ALG5: variants seen among roughly 807,000 people sequenced by gnomAD.
ALG5 encodes the protein ALG5 dolichyl-phosphate beta-glucosyltransferase.
Under a neutral mutation model 51.8 loss-of-function variants are expected in ALG5, and 26 were observed. That is an observed-to-expected ratio of 0.50 (90% CI 0.37 to 0.70). The LOEUF (loss-of-function observed/expected upper bound fraction) is 0.70, where lower values mean the gene tolerates loss of function less well. Among genes scored for constraint, ALG5 ranks in the 30% least tolerant of loss-of-function variants. The probability of loss-of-function intolerance (pLI) is 0.00; values close to 1 mark genes in which losing one functional copy is unlikely to be tolerated. For synonymous variants in ALG5, 141 were observed against 136.1 expected (o/e 1.04, Z -0.25); for missense variants, 311 against 399.3 (o/e 0.78, Z 1.88).
chr13:36,992,643 A>G (rs1347936965), intron 4 of ALG5, among the ~76,000 whole-genome samples: 1 of 152,094 alleles, frequency 6.6e-6, no homozygotes, highest in Non-Finnish European at 1.5e-5. Context: ...CCTTTTTGGT[A>G]TGTTGTTTGA....
At chr13:36,966,667 A>G (rs776889653) in intron 7 of ALG5, among the ~76,000 whole-genome samples, 1 of 152,218 alleles carries the variant, frequency 6.6e-6, no homozygotes, top group Non-Finnish European at 1.5e-5. Context: ...GTGCCACTAT[A>G]CCCAGCTTCT....
At chr13:36,980,554 T>TA (rs1188038954) in intron 6 of ALG5, among the ~76,000 whole-genome samples, 1 of 152,056 alleles carries the variant, frequency 6.6e-6, no homozygotes, top group Admixed American at 6.6e-5. Context: ...GAAAAATTAC[T>TA]AAAAAACAAG....
At chr13:36,954,744 T>C (rs1302935319) in intron 8 of ALG5, among the ~76,000 whole-genome samples, 3 of 152,180 alleles carry the variant, frequency 2.0e-5, no homozygotes, top group African/African-American at 7.2e-5. Flanking sequence ...TGTGTTTTCT[T>C]TTCTTACTCA....
chr13:36,994,938 C>G, intron 3 of ALG5, 51 bp downstream of exon 3: 1 of 1,531,426 alleles, frequency 6.5e-7, no homozygotes, highest in Non-Finnish European at 9.0e-7. Flanking sequence ...CAATTGGTGA[C>G]CTGGTCTAGT....
At position 36,993,654 on chromosome 13, in the gene ALG5, T is replaced by C; in HGVS notation, c.304A>G (p.Thr102Ala). Residue 102 changes from threonine to alanine, a missense_variant, in exon 4 of 10, where the codon ACT becomes GCT. Coordinates refer to ENST00000239891, the MANE Select transcript of ALG5 (RefSeq NM_013338.5). ...TCATCAACTACTATCACTTCATAAG[T>C]GAACGCAGGATCTCGTTTCTGCAAG... Reference protein sequence around the residue: ...EKRQKRDPAFTYEVIVVDDGS... With the variant: ...EKRQKRDPAFAYEVIVVDDGS... 9 of 1,613,632 alleles carry C rather than the reference T, an allele frequency of 5.6e-6. No individual in the cohort carries two copies. Among genetic ancestry groups the C allele is most frequent in the Non-Finnish European group, 7.6e-6 (9 of 1,179,922 alleles).
At chr13:36,974,393 A>G (rs1273064162) in intron 6 of ALG5, among the ~76,000 whole-genome samples, 1 of 152,190 alleles carries the variant, frequency 6.6e-6, no homozygotes, top group Non-Finnish European at 1.5e-5. Context: ...ATATAAATTT[A>G]CATATATAAA....
intron 6 of ALG5, among the ~76,000 whole-genome samples, chr13:36,985,090 C>T (rs1271344451): frequency 6.6e-6 from 1 of 151,354 alleles, no homozygotes; most frequent in Admixed American, 6.6e-5. Context: ...TTGGCAAACG[C>T]TCAGGATCCT....
chr13:36,957,820 C>T (rs1368302604), intron 8 of ALG5, among the ~76,000 whole-genome samples: 1 of 152,120 alleles, frequency 6.6e-6, no homozygotes, highest in African/African-American at 2.4e-5. Flanking sequence ...GGAAGCCTGT[C>T]CCCGAGAAGA....
At chr13:36,981,028 T>G (rs543357696) in intron 6 of ALG5, among the ~76,000 whole-genome samples, 5 of 152,260 alleles carry the variant, frequency 3.3e-5, no homozygotes, top group Admixed American at 1.3e-4. Context: ...AATGCCCTAT[T>G]TTATTTGTAT....
intron 5 of ALG5, among the ~76,000 whole-genome samples, chr13:36,988,014 T>G (rs2059009467): frequency 1.3e-5 from 2 of 152,304 alleles, no homozygotes; most frequent in South Asian, 4.1e-4. Flanking sequence ...TTGTGGCATG[T>G]TCTTTCACAT....
intron 8 of ALG5, among the ~76,000 whole-genome samples, chr13:36,953,945 C>G (rs2058828829): frequency 6.6e-6 from 1 of 151,880 alleles, no homozygotes; most frequent in South Asian, 2.1e-4. Context: ...ACTTGATAAC[C>G]TGAAAAAGAT....
chr13:36,972,888 A>C (rs1229615097), intron 6 of ALG5, among the ~76,000 whole-genome samples: 1 of 150,272 alleles, frequency 6.7e-6, no homozygotes, highest in Non-Finnish European at 1.5e-5. Flanking sequence ...GCTACTCGGG[A>C]GGCTGAGGCA....
At position 36,958,847 on chromosome 13, in the gene ALG5, G is replaced by A. The variant is rs896881216; in HGVS notation, c.774-6248C>T. On this transcript the variant is annotated intron_variant, in intron 8 of 9. Coordinates refer to ENST00000239891, the MANE Select transcript of ALG5 (RefSeq NM_013338.5). ...TAAAGAAATAGTCAAATCATATATC[G>A]CCTGAGAGCACAGGGGGAGGGACAA... 1.3e-4 allele frequency among the ~76,000 whole-genome samples: 20 copies of A among 152,076 alleles called. 1 individual carries two copies. Among genetic ancestry groups the A allele is most frequent in the Admixed American group, 9.2e-4 (14 of 15,252 alleles).
chr13:36,962,656 A>G (rs2058872949), intron 8 of ALG5, among the ~76,000 whole-genome samples: 1 of 152,120 alleles, frequency 6.6e-6, no homozygotes, highest in African/African-American at 2.4e-5. Context: ...TCTTATGTCA[A>G]TTAACACAAA....
At chr13:36,966,439 A>T (rs2058893744) in intron 7 of ALG5, among the ~76,000 whole-genome samples, 1 of 152,264 alleles carries the variant, frequency 6.6e-6, no homozygotes, top group Non-Finnish European at 1.5e-5. Flanking sequence ...AGAACATAAG[A>T]TTATTATCAC....
chr13:36,977,008 C>T (rs902168779), intron 6 of ALG5, among the ~76,000 whole-genome samples: 1 of 152,030 alleles, frequency 6.6e-6, no homozygotes, highest in Non-Finnish European at 1.5e-5. Flanking sequence ...GTTAAAATAC[C>T]ATGTAATTTA....
chr13:36,973,525 C>A (rs1461307026), intron 6 of ALG5, among the ~76,000 whole-genome samples: 1 of 152,122 alleles, frequency 6.6e-6, no homozygotes, highest in Non-Finnish European at 1.5e-5. Flanking sequence ...CATCAGAAAT[C>A]ATTTTGTAAA....
At chr13:36,964,303 G>A (rs1033325219) in intron 8 of ALG5, among the ~76,000 whole-genome samples, 1 of 152,164 alleles carries the variant, frequency 6.6e-6, no homozygotes, top group East Asian at 1.9e-4. Flanking sequence ...CAGAAGAGGT[G>A]CATATGATTG....
rs561005510 is a variant in ALG5 at position 36,951,144 on chromosome 13, G to T, written c.860-1087C>A. Among the ~76,000 whole-genome samples, 39 of 152,192 alleles carry T rather than the reference G, an allele frequency of 2.6e-4. 1 individual carries two copies. Among genetic ancestry groups the T allele is most frequent in the African/African-American group, 9.4e-4 (39 of 41,526 alleles). Reference sequence around the variant, plus strand: ...GAGGTACCTACAATTCATATTACAAGACAACTATCTCTGTAATGCAAATAA... The same window carrying T: ...GAGGTACCTACAATTCATATTACAATACAACTATCTCTGTAATGCAAATAA... On this transcript the variant is annotated intron_variant, in intron 9 of 9. Transcript: ENST00000239891.
Sources: gnomAD v4.1 joint callset for allele counts (sites outside exome capture counted in the v4.1 genomes callset) on GRCh38, gnomAD v4.1.1 for gene constraint, MANE v1.5 for transcripts, NCBI Gene and HGNC (gene_info 2026-07-23, HGNC 2026-07-21) for gene names.